TNC: variants seen among roughly 807,000 people sequenced by gnomAD.
The protein encoded by TNC is tenascin C, also known as tenascin.
In TNC, 109 loss-of-function variants were observed where a neutral mutation model predicts 202.4. The ratio of observed to expected loss-of-function variants is 0.54; its 90% CI spans 0.46 to 0.63. The LOEUF (loss-of-function observed/expected upper bound fraction) is 0.63. Among genes scored for constraint, TNC ranks in the 30% least tolerant of loss-of-function variants. The pLI is 0.00. For missense variants in TNC, 2,756 were observed against 2,833.3 expected (o/e 0.97, Z 0.62); for synonymous variants, 1,007 against 1,089.7 (o/e 0.92, Z 1.50).
chr9:115,030,623 G>A (rs763255966), intron 23 of TNC, among the ~76,000 whole-genome samples: 3 of 152,164 alleles, frequency 2.0e-5, no homozygotes, highest in Non-Finnish European at 2.9e-5. Context: ...TTTCTGATCT[G>A]AGGACATTCA....
At chr9:115,061,941 T>C (rs1408026910) in intron 13 of TNC, among the ~76,000 whole-genome samples, 1 of 152,236 alleles carries the variant, frequency 6.6e-6, no homozygotes, top group Admixed American at 6.5e-5. Flanking sequence ...CTGCTTTTTG[T>C]ATCTGTTGAG....
chr9:115,086,644 A>G lies in TNC; in HGVS notation c.1087T>C (p.Cys363Arg). The change falls in exon 3 of 28, where the codon TGT becomes CGT. Residue 363 changes from cysteine to arginine, a missense_variant. Physicochemically the swap from Cys to Arg is radical, Grantham distance 180. Transcript: ENST00000350763. ...TCCACACCGGCAAAGCCCTCATCACATACACACTGCCCCTCCTCACACCGG... is the reference window on the plus strand; with the variant it reads ...TCCACACCGGCAAAGCCCTCATCACGTACACACTGCCCCTCCTCACACCGG... Reference protein sequence around the residue: ...QGRCEEGQCVCDEGFAGVDCS... With the variant: ...QGRCEEGQCVRDEGFAGVDCS... 1 of 1,614,126 alleles carries G rather than the reference A, an allele frequency of 6.2e-7. No individual in the cohort carries two copies. Among genetic ancestry groups the G allele is most frequent in the Non-Finnish European group, 8.5e-7 (1 of 1,180,024 alleles).
chr9:115,117,870 A>G (rs3748166), intron 1 of TNC, 112 bp downstream of exon 1: 42,580 of 152,026 alleles, frequency 0.28, 6,190 homozygotes, highest in South Asian at 0.38. Context: ...GCGGTGGAAA[A>G]AAAAACCCCA....
intron 13 of TNC, among the ~76,000 whole-genome samples, chr9:115,061,686 AG>A (rs1283514138): frequency 6.6e-6 from 1 of 152,236 alleles, no homozygotes; most frequent in Non-Finnish European, 1.5e-5. Context: ...CATTATCAAA[AG>A]GCAGCATATG....
chr9:115,080,626 T>C (rs570059785), intron 6 of TNC, among the ~76,000 whole-genome samples: 1 of 152,270 alleles, frequency 6.6e-6, no homozygotes, highest in South Asian at 2.1e-4. Flanking sequence ...TTTAAAAAAT[T>C]GCAGCTGTGC....
chr9:115,105,172 C>T (rs759641472), intron 1 of TNC, among the ~76,000 whole-genome samples: 15 of 152,256 alleles, frequency 9.9e-5, no homozygotes, highest in Admixed American at 2.0e-4. Context: ...AACAAAAATA[C>T]GTCTCTAGGA....
chr9:115,079,054 G>A (rs1834100543), intron 6 of TNC, among the ~76,000 whole-genome samples: 1 of 152,110 alleles, frequency 6.6e-6, no homozygotes, highest in Admixed American at 6.5e-5. Context: ...TCCTTGAAGA[G>A]CATTCTAATA....
chr9:115,043,292 T>C (rs187238892), intron 17 of TNC, among the ~76,000 whole-genome samples: 1 of 152,230 alleles, frequency 6.6e-6, no homozygotes, highest in African/African-American at 2.4e-5. Flanking sequence ...TTCCTCTTTC[T>C]GCATTTTTCT....
At chr9:115,031,451 A>G in intron 23 of TNC, 102 bp downstream of exon 23, 1 of 1,282,802 alleles carries the variant, frequency 7.8e-7, no homozygotes, top group Admixed American at 3.0e-5. Context: ...TTCTTTTCAG[A>G]GGTTTGTTTG....
At chr9:115,041,391 CTTA>C (rs1328245384) in intron 18 of TNC, among the ~76,000 whole-genome samples, 1 of 150,076 alleles carries the variant, frequency 6.7e-6, no homozygotes, top group Non-Finnish European at 1.5e-5. Context: ...CAAATTTTAT[CTTA>C]TTATTTTTCC....
In TNC at chr9:115,086,305, G is replaced by C; in HGVS notation, c.1426C>G (p.Gln476Glu). ...SDMSCPNDCHQHGRCVNGMCV... is the reference protein window; with the variant it reads ...SDMSCPNDCHEHGRCVNGMCV... ...ATGCCATTCACACAGCGGCCGTGCT[G>C]GTGACAGTCATTAGGGCAGCTCATG... is the stretch of plus-strand genomic sequence containing the variant. The change falls in exon 3 of 28, where the codon CAG becomes GAG. Residue 476 changes from glutamine to glutamate, a missense_variant. Around this residue, in one of 2 missense-constraint regions of TNC, gnomAD observed 2,559 missense variants for 2,546.0 expected, o/e 1.01. Transcript: ENST00000350763. The C allele has an allele frequency of 6.2e-7, 1 of 1,614,014 alleles. No homozygotes were observed. The highest frequency in any genetic ancestry group is 8.5e-7 in the Non-Finnish European group (1 of 1,179,982).
intron 1 of TNC, among the ~76,000 whole-genome samples, chr9:115,113,499 A>G (rs1417399238): frequency 6.6e-6 from 1 of 152,206 alleles, no homozygotes; most frequent in Non-Finnish European, 1.5e-5. Flanking sequence ...CTAGGAGAAC[A>G]TTTCAGACAC....
At chr9:115,055,131 A>G (rs1189809224) in intron 15 of TNC, among the ~76,000 whole-genome samples, 1 of 152,188 alleles carries the variant, frequency 6.6e-6, no homozygotes, top group African/African-American at 2.4e-5. Flanking sequence ...TTTGATTAGA[A>G]CGACCACAGG....
chr9:115,041,145 G>A, intron 18 of TNC, 61 bp from the exon 19 acceptor site: 1 of 1,527,450 alleles, frequency 6.5e-7, no homozygotes, highest in Non-Finnish European at 8.9e-7. Context: ...ATTCACTGTT[G>A]CCCCCAAAAA....
intron 19 of TNC, among the ~76,000 whole-genome samples, chr9:115,040,257 G>A (rs912145996): frequency 3.9e-5 from 6 of 152,204 alleles, no homozygotes; most frequent in African/African-American, 1.2e-4. Context: ...CTTGGCCAAG[G>A]TATTTCATTT....
Position 115,059,794 on chromosome 9 carries a change from T to A in TNC, c.4242A>T (p.Arg1414Ser). Residue 1414 changes from arginine to serine, a missense_variant, in exon 14 of 28, where the codon AGA (arginine) becomes AGT (serine). Around this residue, in one of 2 missense-constraint regions of TNC, gnomAD observed 2,559 missense variants for 2,546.0 expected, o/e 1.01. Coordinates refer to ENST00000350763, the MANE Select transcript of TNC (RefSeq NM_002160.4). ...IPGLEAATPY[R>S]VSIYGVIRGY... is the part of the protein sequence containing the mutation. ...CCCGGATCACCCCATAGATGGAGACTCTATAAGGCGTGGCAGCCTCGAGGC... is the reference window on the plus strand; with the variant it reads ...CCCGGATCACCCCATAGATGGAGACACTATAAGGCGTGGCAGCCTCGAGGC... 1 of 1,614,082 alleles carries A rather than the reference T, an allele frequency of 6.2e-7. No individual in the cohort carries two copies. Among genetic ancestry groups the A allele is most frequent in the Non-Finnish European group, 8.5e-7 (1 of 1,180,004 alleles).
Position 115,086,036 on chromosome 9 carries a change from A to C in TNC, c.1695T>G (p.Ser565Arg), listed in dbSNP as rs1834690926. The change falls in exon 3 of 28, where the codon AGT becomes AGG. Residue 565 changes from serine (S) to arginine (R), a missense_variant. This residue lies in a region of TNC where 2,559 missense variants were observed against 2,546.0 expected (regional missense o/e 1.01). Transcript: ENST00000350763. ...CGCAGCGGCCCTGGCCATGACAGTC[A>C]CTGGGACATCTTTGCTCCTTGCAGT... is the stretch of plus-strand genomic sequence containing the variant. ...GKDCKEQRCP[S>R]DCHGQGRCVD... 1.9e-6 allele frequency: 3 copies of C among 1,614,022 alleles called. No homozygotes were observed. The highest frequency in any genetic ancestry group is 2.5e-6 in the Non-Finnish European group (3 of 1,180,008).
intron 1 of TNC, among the ~76,000 whole-genome samples, chr9:115,113,328 A>G (rs965771044): frequency 1.3e-5 from 2 of 152,182 alleles, no homozygotes; most frequent in African/African-American, 2.4e-5. Context: ...TACTTTCTGC[A>G]TGGTATTGGG....
chr9:115,046,574 A>AT lies in TNC; in HGVS notation c.4960dup (p.Ile1654AsnfsTer9), dbSNP rs751901292. The AT allele has an allele frequency of 9.3e-6, 15 of 1,614,020 alleles. No individual in the cohort carries two copies. Among genetic ancestry groups the AT allele is most frequent in the Non-Finnish European group, 1.3e-5 (15 of 1,179,974 alleles). ...CTCAGACTGCTTTTTGGTATCTCTG[A>AT]TTTTGAGAACAAAATTGTCGAAGAC... is the stretch of plus-strand genomic sequence containing the variant. On this transcript the variant is annotated frameshift_variant, in exon 17 of 28. Transcript: ENST00000350763. LOFTEE classifies it high-confidence loss of function.
Sources: gnomAD v4.1 joint callset for allele counts (sites outside exome capture counted in the v4.1 genomes callset) on GRCh38, gnomAD v4.1.1 for gene constraint, gnomAD v4.1.1 regional missense constraint, MANE v1.5 for transcripts, NCBI Gene and HGNC (gene_info 2026-07-23, HGNC 2026-07-21) for gene names.